Variants in SAMMSON observed in about 807,000 individuals in gnomAD.
SAMMSON encodes survival associated mitochondrial melanoma specific oncogenic non-coding RNA.
chr3:70,190,560 T>A (rs768748830), intron 4 of SAMMSON, among the ~76,000 whole-genome samples: 12 of 152,244 alleles, frequency 7.9e-5, no homozygotes, highest in Non-Finnish European at 1.6e-4. Flanking sequence ...TTTGACCTAA[T>A]GTTTTCCAAA....
intron 6 of SAMMSON, chr3:70,291,116 T>C (rs1702234831): frequency 6.6e-6 from 1 of 152,186 alleles, no homozygotes; most frequent in African/African-American, 2.4e-5. Context: ...AGGAAAAGAA[T>C]ATCATTGAAA....
intron 4 of SAMMSON, among the ~76,000 whole-genome samples, chr3:70,193,585 G>GCCAC (rs1290198765): frequency 1.3e-5 from 2 of 152,078 alleles, no homozygotes; most frequent in East Asian, 3.9e-4. Flanking sequence ...TTTCTACACA[G>GCCAC]CTCACCTGAC....
chr3:70,154,886 G>C (rs997298303), intron 4 of SAMMSON, among the ~76,000 whole-genome samples: 1 of 151,950 alleles, frequency 6.6e-6, no homozygotes, highest in African/African-American at 2.4e-5. Context: ...ATAGGCTGGA[G>C]AGAAAAATGC....
chr3:70,095,249 T>C (rs1453760706), intron 4 of SAMMSON, among the ~76,000 whole-genome samples: 2 of 152,194 alleles, frequency 1.3e-5, no homozygotes, highest in Non-Finnish European at 2.9e-5. Context: ...AGAGGTTATC[T>C]TTAGTTCCCT....
chr3:70,015,525 G>T (rs1207776643), intron 3 of SAMMSON, among the ~76,000 whole-genome samples: 1 of 151,546 alleles, frequency 6.6e-6, no homozygotes, highest in Non-Finnish European at 1.5e-5. Context: ...AATTTGCATT[G>T]TTGACATTTC....
At chr3:70,121,949 A>G (rs1312609235) in intron 4 of SAMMSON, among the ~76,000 whole-genome samples, 3 of 152,176 alleles carry the variant, frequency 2.0e-5, no homozygotes, top group Admixed American at 6.5e-5. Context: ...GGCACTTGGT[A>G]TGAATCTCGT....
intron 4 of SAMMSON, among the ~76,000 whole-genome samples, chr3:70,167,477 C>T (rs1039732774): frequency 6.6e-6 from 1 of 151,932 alleles, no homozygotes; most frequent in African/African-American, 2.4e-5. Flanking sequence ...TATATATTTT[C>T]ACAGCCTTTG....
intron 9 of SAMMSON, among the ~76,000 whole-genome samples, chr3:70,360,514 C>T (rs1431697302): frequency 9.9e-5 from 15 of 152,106 alleles, no homozygotes; most frequent in Admixed American, 9.8e-4. Flanking sequence ...CCTTACTTCA[C>T]CAGACTAAAC....
intron 4 of SAMMSON, among the ~76,000 whole-genome samples, chr3:70,233,450 C>T (rs1205611109): frequency 2.0e-5 from 3 of 152,144 alleles, no homozygotes; most frequent in African/African-American, 7.2e-5. Context: ...GATAAAGCTT[C>T]CCTTTTCGTT....
chr3:70,428,204 C>A (rs978514058), intron 2 of SAMMSON, among the ~76,000 whole-genome samples: 2 of 152,008 alleles, frequency 1.3e-5, no homozygotes, highest in Non-Finnish European at 2.9e-5. Flanking sequence ...GGATGCAATC[C>A]ATTTATAATG....
At chr3:70,085,033 T>C (rs1427107797) in intron 4 of SAMMSON, among the ~76,000 whole-genome samples, 2 of 152,264 alleles carry the variant, frequency 1.3e-5, no homozygotes, top group African/African-American at 4.8e-5. Flanking sequence ...GAATCAGTGA[T>C]GGCAGAGGGG....
intron 9 of SAMMSON, among the ~76,000 whole-genome samples, chr3:70,388,254 A>G (rs536414599): frequency 2.0e-4 from 30 of 152,212 alleles, no homozygotes; most frequent in African/African-American, 6.3e-4. Context: ...TTTAATTAGA[A>G]CATAGGCTCC....
At position 70,125,108 on chromosome 3, in the gene SAMMSON, G is replaced by A. The variant is rs539838600; in HGVS notation, n.507+53543G>A. Reference sequence around the variant, plus strand: ...TTCCTTAGGATCTGGTTTTTGTCTAGCAGATCGAGCAAATTGAACCACCAT... The same window carrying A: ...TTCCTTAGGATCTGGTTTTTGTCTAACAGATCGAGCAAATTGAACCACCAT... On this transcript the variant is annotated intron_variant and non_coding_transcript_variant, in intron 4 of 9. Coordinates refer to ENST00000642114, the Ensembl canonical transcript of SAMMSON. The A allele has an allele frequency of 1.7e-5, 20 of 1,180,568 alleles. No homozygotes were observed. In the African/African-American group the frequency reaches 2.9e-4, roughly 17 times the overall value. The allele number at this position is 1,180,568 out of a possible 1,614,324, so 73.1% of individuals were successfully genotyped here.
At chr3:70,028,028 A>G (rs1348121710) in intron 3 of SAMMSON, among the ~76,000 whole-genome samples, 1 of 152,114 alleles carries the variant, frequency 6.6e-6, no homozygotes, top group Non-Finnish European at 1.5e-5. Flanking sequence ...GTTAAAAGCC[A>G]CTTAATACTT....
chr3:70,286,318 C>A (rs952567395), intron 6 of SAMMSON, among the ~76,000 whole-genome samples: 6 of 152,248 alleles, frequency 3.9e-5, no homozygotes, highest in African/African-American at 1.2e-4. Context: ...AATAGGGAAT[C>A]CTTTCCCCAT....
At chr3:70,190,353 T>C (rs1371261596) in intron 4 of SAMMSON, among the ~76,000 whole-genome samples, 1 of 152,186 alleles carries the variant, frequency 6.6e-6, no homozygotes, top group Non-Finnish European at 1.5e-5. Flanking sequence ...TGCATGCTGC[T>C]GCCTGGTCAA....
rs951916995 is a variant in SAMMSON at position 70,134,148 on chromosome 3, T to C, written n.507+62583T>C. Reference sequence around the variant, plus strand: ...GGTGGCAGGTGCCTGTAATCCCAGCTACTTGGGAGGCTGAGGCAAGAGAAT... The same window carrying C: ...GGTGGCAGGTGCCTGTAATCCCAGCCACTTGGGAGGCTGAGGCAAGAGAAT... On this transcript the variant is annotated intron_variant and non_coding_transcript_variant, in intron 4 of 9. Transcript: ENST00000642114. Among the ~76,000 whole-genome samples, 11 of 149,634 alleles carry C rather than the reference T, an allele frequency of 7.4e-5. No homozygotes were observed. The East Asian group carries it at 1.8e-3, about 24-fold the overall frequency.
intron 9 of SAMMSON, among the ~76,000 whole-genome samples, chr3:70,363,171 A>T (rs953202752): frequency 1.3e-5 from 2 of 152,098 alleles, no homozygotes; most frequent in Non-Finnish European, 2.9e-5. Flanking sequence ...GCAGAGAAGG[A>T]ATATACCTCA....
chr3:70,411,855 G>A (rs551797916), intron 2 of SAMMSON, among the ~76,000 whole-genome samples: 3 of 152,194 alleles, frequency 2.0e-5, no homozygotes, highest in Middle Eastern at 3.4e-3. Flanking sequence ...TTACTCAGTC[G>A]TGGGTATTTC....
Sources: gnomAD v4.1 joint callset for allele counts (sites outside exome capture counted in the v4.1 genomes callset) on GRCh38, gnomAD v4.1.1 for gene constraint, MANE v1.5 for transcripts, NCBI Gene and HGNC (gene_info 2026-07-23, HGNC 2026-07-21) for gene names.